The following CNTNAP2 variants were observed in gnomAD, a reference collection of about 807,000 sequenced individuals.
CNTNAP2 encodes contactin associated protein 2, also known as contactin-associated protein-like 2.
Under a neutral mutation model 155.2 loss-of-function variants are expected in CNTNAP2, and 98 were observed. The observed-to-expected ratio is 0.63, with a 90% CI of 0.54 to 0.75. CNTNAP2 has a LOEUF of 0.75. Among genes scored for constraint, CNTNAP2 ranks in the 30% least tolerant of loss-of-function variants. CNTNAP2 has a pLI of 0.00. For missense variants in CNTNAP2, 1,727 were observed against 1,688.1 expected (o/e 1.02, Z -0.40); for synonymous variants, 651 against 631.2 (o/e 1.03, Z -0.47).
At chr7:146,371,208 G>A (rs527492946) in intron 1 of CNTNAP2, among the ~76,000 whole-genome samples, 22 of 151,970 alleles carry the variant, frequency 1.4e-4, no homozygotes, top group African/African-American at 5.3e-4. Flanking sequence ...CTTGCAAAAT[G>A]TTAAATAATG....
At chr7:148,196,043 T>C (rs1295947286) in intron 18 of CNTNAP2, among the ~76,000 whole-genome samples, 1 of 152,234 alleles carries the variant, frequency 6.6e-6, no homozygotes, top group Non-Finnish European at 1.5e-5. Flanking sequence ...TTGGTTTTGA[T>C]CATTGTACCG....
At chr7:148,313,861 C>A (rs1046905336) in intron 21 of CNTNAP2, among the ~76,000 whole-genome samples, 9 of 152,110 alleles carry the variant, frequency 5.9e-5, no homozygotes, top group Admixed American at 3.9e-4. Context: ...GCCAAACAAG[C>A]CATGAACTGG....
intron 1 of CNTNAP2, among the ~76,000 whole-genome samples, chr7:146,241,862 A>G (rs7777062): frequency 0.028 from 4,252 of 152,016 alleles, 196 homozygotes; most frequent in African/African-American, 0.098. Flanking sequence ...ACACACAAAC[A>G]TATATATATG....
At chr7:147,775,232 T>C (rs1183420861) in intron 13 of CNTNAP2, among the ~76,000 whole-genome samples, 1 of 120,796 alleles carries the variant, frequency 8.3e-6, no homozygotes, top group Non-Finnish European at 1.6e-5. Flanking sequence ...AAAAGAAATA[T>C]ATATATATAT....
chr7:147,194,168 G>T (rs952767649), intron 8 of CNTNAP2, among the ~76,000 whole-genome samples: 1 of 151,680 alleles, frequency 6.6e-6, no homozygotes, highest in Non-Finnish European at 1.5e-5. Context: ...ACTTATGAGT[G>T]AGAACATGCA....
intron 11 of CNTNAP2, among the ~76,000 whole-genome samples, chr7:147,538,702 G>T (rs1045405817): frequency 1.3e-5 from 2 of 152,044 alleles, no homozygotes; most frequent in African/African-American, 4.8e-5. Flanking sequence ...CCTGTAGTTT[G>T]GATGTTTCCC....
chr7:148,080,934 G>A (rs148489583), intron 15 of CNTNAP2, among the ~76,000 whole-genome samples: 276 of 152,276 alleles, frequency 1.8e-3, no homozygotes, highest in African/African-American at 6.4e-3. Context: ...GTATGTGGAT[G>A]GATTCTTAGG....
At chr7:147,232,524 A>C (rs976666663) in intron 8 of CNTNAP2, among the ~76,000 whole-genome samples, 1 of 152,212 alleles carries the variant, frequency 6.6e-6, no homozygotes, top group Non-Finnish European at 1.5e-5. Context: ...CCTAGAAATA[A>C]ATTTACACAC....
intron 9 of CNTNAP2, among the ~76,000 whole-genome samples, chr7:147,375,806 C>G (rs1796423967): frequency 6.6e-6 from 1 of 151,992 alleles, no homozygotes; most frequent in South Asian, 2.1e-4. Context: ...GACGTTTCAG[C>G]CTTTATACTT....
chr7:147,614,470 CATT>C (rs1355405768), intron 12 of CNTNAP2, among the ~76,000 whole-genome samples: 1 of 151,504 alleles, frequency 6.6e-6, no homozygotes, highest in African/African-American at 2.4e-5. Context: ...TGTATTTTCT[CATT>C]AGTTATTATT....
intron 11 of CNTNAP2, among the ~76,000 whole-genome samples, chr7:147,499,749 G>A (rs1371740365): frequency 1.3e-5 from 2 of 152,084 alleles, no homozygotes; most frequent in Non-Finnish European, 2.9e-5. Context: ...TAGGAGAGTG[G>A]GTGGGGAGAA....
intron 1 of CNTNAP2, among the ~76,000 whole-genome samples, chr7:146,360,181 C>A (rs771239692): frequency 6.6e-6 from 1 of 152,134 alleles, no homozygotes; most frequent in Non-Finnish European, 1.5e-5. Flanking sequence ...TTTCCAGTGT[C>A]TCTCTCCTTT....
At chr7:147,895,920 G>T (rs76532993) in intron 13 of CNTNAP2, among the ~76,000 whole-genome samples, 3 of 152,178 alleles carry the variant, frequency 2.0e-5, no homozygotes, top group Non-Finnish European at 2.9e-5. Context: ...TCTGGAATAC[G>T]TTTTTCTTAT....
At chr7:147,969,665 A>G (rs940239936) in intron 14 of CNTNAP2, among the ~76,000 whole-genome samples, 29 of 152,168 alleles carry the variant, frequency 1.9e-4, no homozygotes, top group South Asian at 2.1e-4. Context: ...GGATACAGAA[A>G]GATGGAGCTG....
intron 20 of CNTNAP2, among the ~76,000 whole-genome samples, chr7:148,251,616 G>A (rs959179669): frequency 1.3e-5 from 2 of 152,146 alleles, no homozygotes; most frequent in African/African-American, 4.8e-5. Flanking sequence ...GAAGGGAGAA[G>A]GAAAACATAA....
intron 1 of CNTNAP2, among the ~76,000 whole-genome samples, chr7:146,560,520 A>G (rs1279599170): frequency 6.6e-6 from 1 of 152,076 alleles, no homozygotes; most frequent in East Asian, 1.9e-4. Context: ...AGCATTTCAT[A>G]CATGGCTAAT....
At chr7:146,721,269 T>TAC (rs1801299323) in intron 1 of CNTNAP2, among the ~76,000 whole-genome samples, 1 of 121,512 alleles carries the variant, frequency 8.2e-6, no homozygotes, top group Non-Finnish European at 1.7e-5. Context: ...ACTCTCTATA[T>TAC]ATTCTATATA....
intron 1 of CNTNAP2, among the ~76,000 whole-genome samples, chr7:146,175,751 G>A (rs1434658861): frequency 6.6e-6 from 1 of 152,104 alleles, no homozygotes; most frequent in Non-Finnish European, 1.5e-5. Context: ...ACACCCTTTA[G>A]TTCTAAGTTT....
At chr7:147,871,675 T>TG (rs3055170) in intron 13 of CNTNAP2, among the ~76,000 whole-genome samples, 6 of 146,254 alleles carry the variant, frequency 4.1e-5, no homozygotes, top group Non-Finnish European at 9.0e-5. Flanking sequence ...TTTTTTTTTT[T>TG]GCCCCTTTTT....
Sources: allele counts gnomAD v4.1 joint callset (sites outside exome capture counted in the v4.1 genomes callset), GRCh38; gene constraint gnomAD v4.1.1; transcripts MANE v1.5; gene names NCBI Gene and HGNC (gene_info 2026-07-23, HGNC 2026-07-21).